The following FNTB variants were observed in gnomAD, a reference collection of about 807,000 sequenced individuals.
FNTB encodes the protein farnesyltransferase, CAAX box, subunit beta, also known as protein farnesyltransferase subunit beta.
In FNTB, 27 loss-of-function variants were observed where a neutral mutation model predicts 59.4. That is an observed-to-expected ratio of 0.45 (90% CI 0.34 to 0.63). The LOEUF (loss-of-function observed/expected upper bound fraction) is 0.63, where lower values mean the gene tolerates loss of function less well. FNTB is among the 20% of genes least tolerant of loss of function. The pLI is 0.02. For synonymous variants in FNTB, 230 were observed against 220.7 expected, an observed-to-expected ratio of 1.04 and a Z score of -0.37; for missense variants, 449 against 559.6, an observed-to-expected ratio of 0.80 and a Z score of 1.99.
intron 2 of FNTB, among the ~76,000 whole-genome samples, chr14:65,006,629 C>T (rs538886295): frequency 2.6e-5 from 4 of 152,188 alleles, no homozygotes; most frequent in Non-Finnish European, 5.9e-5. Context: ...ATGACTCACC[C>T]GATCGGGCTG....
At chr14:65,022,411 T>G (rs1409254991) in intron 4 of FNTB, among the ~76,000 whole-genome samples, 1 of 152,206 alleles carries the variant, frequency 6.6e-6, no homozygotes, top group African/African-American at 2.4e-5. Context: ...ACCTAAATAC[T>G]TCTTGCTACA....
At chr14:64,987,161 T>C (rs1887977525) in intron 1 of FNTB, 64 bp downstream of exon 1, 2 of 1,590,916 alleles carry the variant, frequency 1.3e-6, no homozygotes, top group East Asian at 2.2e-5. Context: ...GTCCCGTTCG[T>C]AGGGCCGCCC....
At chr14:65,018,239 GC>G (rs1437037154) in intron 4 of FNTB, among the ~76,000 whole-genome samples, 1 of 152,052 alleles carries the variant, frequency 6.6e-6, no homozygotes, top group African/African-American at 2.4e-5. Context: ...TGCTCAGGAG[GC>G]CGAGACAGGA....
chr14:65,062,493 T>A lies in FNTB; in HGVS notation c.*1181T>A, dbSNP rs554781282. 6.5e-6 allele frequency: 1 copy of A among 152,776 alleles called. No individual in the cohort carries two copies. Among genetic ancestry groups the A allele is most frequent in the South Asian group, 2.1e-4 (1 of 4,828 alleles). 9.5% of individuals were successfully genotyped at this position (152,776 alleles called of 1,614,324 possible). A position where few individuals can be genotyped will look rare whatever the true frequency, so the allele number is the denominator to read the frequency against. Reference sequence around the variant, plus strand: ...GGGCCATCTGTCTACTGACCTGGCCTTCATGTAAGCAGCTGTGGGCTGCGG... The same window carrying A: ...GGGCCATCTGTCTACTGACCTGGCCATCATGTAAGCAGCTGTGGGCTGCGG... On this transcript the variant is annotated 3_prime_UTR_variant, in exon 12 of 12. Coordinates refer to ENST00000246166, the MANE Select transcript of FNTB (RefSeq NM_002028.4). This position sits in a 1 kb window ranked among gnomAD's most constrained non-coding sequence, Gnocchi z 4.3.
rs1396088892 is a variant in FNTB at position 65,032,901 on chromosome 14, T to G, written c.692+205T>G. On this transcript the variant is annotated intron_variant, in intron 7 of 11. Coordinates refer to ENST00000246166, the MANE Select transcript of FNTB (RefSeq NM_002028.4). The surrounding 1 kb of genome is among the most constrained non-coding windows in gnomAD (Gnocchi z 5.0). ...TTTAATGTTATATTATATTTTAGATTGGCAAAGATAAAAAACTTTGGTAAA... is the reference window on the plus strand; with the variant it reads ...TTTAATGTTATATTATATTTTAGATGGGCAAAGATAAAAAACTTTGGTAAA... 6.9e-6 allele frequency among the ~76,000 whole-genome samples: 1 copy of G among 144,122 alleles called. No homozygotes were observed. Among genetic ancestry groups the G allele is most frequent in the African/African-American group, 2.5e-5 (1 of 40,152 alleles). The allele number at this position is 144,122 out of a possible 152,430, so 94.5% of individuals were successfully genotyped here.
chr14:65,027,142 T>G lies in FNTB; in HGVS notation c.375-311T>G, dbSNP rs1268094484. ...TTGAGTGGAAAGTCTGGGAAAGGTT[T>G]GTGTGGGAAGCACGGGAGACTCTTA... On this transcript the variant is annotated intron_variant, in intron 4 of 11. Transcript: ENST00000246166. The surrounding 1 kb of genome is among the most constrained non-coding windows in gnomAD (Gnocchi z 5.7). 6.6e-6 allele frequency among the ~76,000 whole-genome samples: 1 copy of G among 152,192 alleles called. No individual in the cohort carries two copies. The highest frequency in any genetic ancestry group is 1.5e-5 in the Non-Finnish European group (1 of 68,022).
Position 65,029,131 on chromosome 14 carries a change from C to T in FNTB, c.605+1350C>T, listed in dbSNP as rs1337861109. ...TAGCCATATTCTTCCCTGACCTTTG[C>T]TCTTTGGGTGATGCTCTGCCATTCG... On this transcript the variant is annotated intron_variant, in intron 6 of 11. Transcript: ENST00000246166. This position sits in a 1 kb window ranked among gnomAD's most constrained non-coding sequence, Gnocchi z 4.7. Among the ~76,000 whole-genome samples the T allele has an allele frequency of 6.6e-6, 1 of 152,160 alleles. No individual in the cohort carries two copies. Among genetic ancestry groups the T allele is most frequent in the African/African-American group, 2.4e-5 (1 of 41,424 alleles).
chr14:65,026,095 T>C (rs2061975422), intron 4 of FNTB, among the ~76,000 whole-genome samples: 1 of 152,132 alleles, frequency 6.6e-6, no homozygotes, highest in Non-Finnish European at 1.5e-5. Flanking sequence ...CTGGCAGCAG[T>C]AGCAAGGAAA....
chr14:65,038,738 A>G (rs930506699), intron 7 of FNTB, among the ~76,000 whole-genome samples: 2 of 152,322 alleles, frequency 1.3e-5, no homozygotes, highest in African/African-American at 4.8e-5. Flanking sequence ...AAATAAAAAT[A>G]AAAATATTTC....
At chr14:65,037,726 C>CT (rs2062235168) in intron 7 of FNTB, among the ~76,000 whole-genome samples, 1 of 117,544 alleles carries the variant, frequency 8.5e-6, no homozygotes, top group East Asian at 2.5e-4. Context: ...TGCCCAGCCT[C>CT]TTATTTATTT....
intron 1 of FNTB, among the ~76,000 whole-genome samples, chr14:64,996,655 C>G (rs991899453): frequency 2.8e-4 from 43 of 152,038 alleles, no homozygotes; most frequent in African/African-American, 1.0e-3. Context: ...CAAAACTAAG[C>G]ACTTTGAAAT....
chr14:65,045,562 C>T (rs1489198464), intron 9 of FNTB, among the ~76,000 whole-genome samples: 3 of 151,918 alleles, frequency 2.0e-5, no homozygotes, highest in East Asian at 3.9e-4. Context: ...ACTACAGGCG[C>T]GTGCCACCAC....
chr14:65,033,545 G>A (rs545895173), intron 7 of FNTB, among the ~76,000 whole-genome samples: 1 of 152,252 alleles, frequency 6.6e-6, no homozygotes, highest in South Asian at 2.1e-4. Flanking sequence ...TTTCCTGGAT[G>A]CTCCAAATAT....
chr14:65,006,488 C>G (rs974992214), intron 2 of FNTB, among the ~76,000 whole-genome samples: 1 of 152,152 alleles, frequency 6.6e-6, no homozygotes, highest in African/African-American at 2.4e-5. Context: ...GTAATGGTAT[C>G]CTTGGCAGTT....
At chr14:64,992,343 G>C (rs1209836913) in intron 1 of FNTB, among the ~76,000 whole-genome samples, 1 of 151,996 alleles carries the variant, frequency 6.6e-6, no homozygotes, top group Non-Finnish European at 1.5e-5. Context: ...TTTAAATTTG[G>C]GTCCATATAC....
At chr14:65,026,697 C>G (rs2061988239) in intron 4 of FNTB, among the ~76,000 whole-genome samples, 1 of 151,968 alleles carries the variant, frequency 6.6e-6, no homozygotes, top group South Asian at 2.1e-4. Flanking sequence ...CTTGTCTGTA[C>G]TGAAAATACA....
chr14:65,058,219 AGT>A (rs929123290), intron 11 of FNTB, among the ~76,000 whole-genome samples: 18 of 145,014 alleles, frequency 1.2e-4, no homozygotes, highest in African/African-American at 4.3e-4. Flanking sequence ...AATGTCTTTC[AGT>A]GTTTTTTTTA....
chr14:64,987,282 C>G (rs942766009), intron 1 of FNTB, 185 bp downstream of exon 1: 5 of 663,972 alleles, frequency 7.5e-6, no homozygotes, highest in African/African-American at 1.8e-5. Flanking sequence ...GTTTGCGCGG[C>G]CAGCTTGGGG....
intron 7 of FNTB, among the ~76,000 whole-genome samples, chr14:65,040,278 T>A (rs1016904587): frequency 6.7e-6 from 1 of 148,850 alleles, no homozygotes; most frequent in Non-Finnish European, 1.5e-5. Context: ...TGTATATATA[T>A]GTGTGTATAT....
Sources: gnomAD v4.1 joint callset for allele counts (sites outside exome capture counted in the v4.1 genomes callset) on GRCh38, gnomAD v4.1.1 for gene constraint, Gnocchi (gnomAD v3.1) non-coding constraint, MANE v1.5 for transcripts, NCBI Gene and HGNC (gene_info 2026-07-23, HGNC 2026-07-21) for gene names.